Variants in CORIN observed in about 807,000 individuals in gnomAD.
CORIN encodes the protein corin, serine peptidase.
Under a neutral mutation model 125.3 loss-of-function variants are expected in CORIN, and 117 were observed. That is an observed-to-expected ratio of 0.93 (90% CI 0.80 to 1.09). The LOEUF (loss-of-function observed/expected upper bound fraction) is 1.09. Ranked by LOEUF, CORIN falls within the 50% of genes least tolerant of loss-of-function variation. The probability of loss-of-function intolerance (pLI) is 0.00; values close to 1 mark genes in which losing one functional copy is unlikely to be tolerated. For missense variants in CORIN, 1,253 were observed against 1,306.7 expected (o/e 0.96, Z 0.63); for synonymous variants, 450 against 466.4 (o/e 0.96, Z 0.45).
At chr4:47,641,661 G>A (rs908663832) in intron 16 of CORIN, among the ~76,000 whole-genome samples, 4 of 152,136 alleles carry the variant, frequency 2.6e-5, no homozygotes, top group African/African-American at 9.7e-5. Context: ...AATAATGAAA[G>A]CATTTCATTG....
chr4:47,813,650 G>T (rs766608105), intron 1 of CORIN, among the ~76,000 whole-genome samples: 2 of 152,114 alleles, frequency 1.3e-5, no homozygotes, highest in Non-Finnish European at 2.9e-5. Flanking sequence ...GATTAATTCT[G>T]TCTGCCTAAT....
chr4:47,665,878 G>C (rs983298023), intron 10 of CORIN, among the ~76,000 whole-genome samples: 1 of 152,184 alleles, frequency 6.6e-6, no homozygotes, highest in Non-Finnish European at 1.5e-5. Context: ...TTCATTGCCT[G>C]TGATTATCCA....
intron 1 of CORIN, among the ~76,000 whole-genome samples, chr4:47,825,066 G>A (rs1202869854): frequency 6.6e-6 from 1 of 152,176 alleles, no homozygotes; most frequent in Non-Finnish European, 1.5e-5. Context: ...GGCAAATGAG[G>A]TATTTTTAAC....
intron 15 of CORIN, 62 bp downstream of exon 15, chr4:47,643,084 T>C (rs1207852421): frequency 6.2e-7 from 1 of 1,612,906 alleles, no homozygotes; most frequent in African/African-American, 1.3e-5. Flanking sequence ...TTAGGATCCA[T>C]TCAGCTTCAG....
intron 5 of CORIN, among the ~76,000 whole-genome samples, chr4:47,694,761 G>A (rs1259145026): frequency 6.6e-6 from 1 of 152,072 alleles, no homozygotes; most frequent in Non-Finnish European, 1.5e-5. Context: ...CATGTTCCTG[G>A]GACCCAGCCA....
intron 4 of CORIN, among the ~76,000 whole-genome samples, chr4:47,758,415 C>G (rs1729292316): frequency 6.6e-6 from 1 of 152,102 alleles, no homozygotes; most frequent in Non-Finnish European, 1.5e-5. Context: ...CCAAAGTGAT[C>G]TAGAGTCAAT....
At chr4:47,781,931 C>T (rs1730566113) in intron 3 of CORIN, among the ~76,000 whole-genome samples, 1 of 151,122 alleles carries the variant, frequency 6.6e-6, no homozygotes, top group Non-Finnish European at 1.5e-5. Flanking sequence ...GAGCAAGACT[C>T]CATCTCAAAA....
intron 2 of CORIN, among the ~76,000 whole-genome samples, chr4:47,804,745 G>A (rs539343380): frequency 2.6e-4 from 32 of 122,858 alleles, no homozygotes; most frequent in African/African-American, 9.0e-4. Flanking sequence ...GAGGGGGGGG[G>A]TTGTTAATGG....
rs115104917 is a variant in CORIN at position 47,654,829 on chromosome 4, C to G, written c.1736-1169G>C. Among the ~76,000 whole-genome samples, 669 of 151,908 alleles carry G rather than the reference C, an allele frequency of 4.4e-3. 4 individuals are homozygous for G. Among genetic ancestry groups the G allele is most frequent in the African/African-American group, 0.015 (639 of 41,438 alleles). Reference sequence around the variant, plus strand: ...TGGGGGCATGCAACCTAGTGCATGCCGCAGAGTGGCCAAGAGAGTGCTTGT... The same window carrying G: ...TGGGGGCATGCAACCTAGTGCATGCGGCAGAGTGGCCAAGAGAGTGCTTGT... On this transcript the variant is annotated intron_variant, in intron 12 of 21. Coordinates refer to ENST00000273857, the MANE Select transcript of CORIN (RefSeq NM_006587.4).
At chr4:47,699,345 A>G (rs545195064) in intron 5 of CORIN, among the ~76,000 whole-genome samples, 1 of 152,272 alleles carries the variant, frequency 6.6e-6, no homozygotes, top group Admixed American at 6.5e-5. Context: ...TTAGACATCT[A>G]TTAAATGCAG....
At chr4:47,700,225 T>A (rs563943161) in intron 5 of CORIN, among the ~76,000 whole-genome samples, 1 of 152,350 alleles carries the variant, frequency 6.6e-6, no homozygotes, top group South Asian at 2.1e-4. Flanking sequence ...TAGCTTTTCA[T>A]TGTACTTAGA....
intron 5 of CORIN, among the ~76,000 whole-genome samples, chr4:47,740,845 C>T (rs1728361342): frequency 6.6e-6 from 1 of 151,916 alleles, no homozygotes; most frequent in Admixed American, 6.6e-5. Flanking sequence ...CAAGTCCATT[C>T]AGTGGGAAAG....
intron 6 of CORIN, among the ~76,000 whole-genome samples, chr4:47,691,784 A>C (rs1464459857): frequency 1.3e-5 from 2 of 152,072 alleles, no homozygotes; most frequent in Non-Finnish European, 2.9e-5. Flanking sequence ...ATGAAACACC[A>C]GTTTGGGAAA....
rs1731570868 is a variant in CORIN, at chr4:47,802,137, C to G, written c.208+4766G>C. Among the ~76,000 whole-genome samples, 3 of 152,350 alleles carry G rather than the reference C, an allele frequency of 2.0e-5. No individual in the cohort carries two copies. The South Asian group carries it at 6.2e-4, about 32-fold the overall frequency. ...AATACCCAACAGCAATACCCAGAGC[C>G]TTGGGCTCTGAGATGTGCTGGCTTC... is the stretch of plus-strand genomic sequence containing the variant. On this transcript the variant is annotated intron_variant, in intron 2 of 21. Coordinates refer to ENST00000273857, the MANE Select transcript of CORIN (RefSeq NM_006587.4).
intron 2 of CORIN, among the ~76,000 whole-genome samples, chr4:47,800,798 T>C: frequency 6.6e-6 from 1 of 152,210 alleles, no homozygotes; most frequent in East Asian, 1.9e-4. Context: ...CCCTCTGACC[T>C]CTGGCATCTG....
intron 1 of CORIN, among the ~76,000 whole-genome samples, chr4:47,816,862 A>ACACACT (rs1224668870): frequency 6.6e-6 from 1 of 151,446 alleles, no homozygotes; most frequent in African/African-American, 2.4e-5. Context: ...ACACACACAC[A>ACACACT]CTCACACACT....
intron 19 of CORIN, among the ~76,000 whole-genome samples, chr4:47,614,718 C>T (rs926672058): frequency 6.6e-6 from 1 of 152,126 alleles, no homozygotes; most frequent in Non-Finnish European, 1.5e-5. Context: ...GAAATGACTA[C>T]AGACATGATT....
chr4:47,640,025 G>A (rs1486115140), intron 16 of CORIN, among the ~76,000 whole-genome samples: 1 of 152,072 alleles, frequency 6.6e-6, no homozygotes, highest in African/African-American at 2.4e-5. Flanking sequence ...TCAAATAATG[G>A]ATATGGGTTT....
intron 12 of CORIN, among the ~76,000 whole-genome samples, chr4:47,655,128 A>G (rs1723913216): frequency 1.3e-5 from 2 of 151,870 alleles, no homozygotes; most frequent in African/African-American, 4.8e-5. Context: ...ATTAGTTACC[A>G]GCTGACTAAA....
Sources: gnomAD v4.1 joint callset for allele counts (sites outside exome capture counted in the v4.1 genomes callset) on GRCh38, gnomAD v4.1.1 for gene constraint, MANE v1.5 for transcripts, NCBI Gene and HGNC (gene_info 2026-07-23, HGNC 2026-07-21) for gene names.